The following LRRFIP1 variants were observed in gnomAD, a reference collection of about 807,000 sequenced individuals.
LRRFIP1 encodes the protein LRR binding FLII interacting protein 1, also known as leucine-rich repeat flightless-interacting protein 1.
LRRFIP1 carries 62 observed loss-of-function variants against 104.4 expected under a neutral mutation model. The ratio of observed to expected loss-of-function variants is 0.59; its 90% confidence interval spans 0.48 to 0.73. The LOEUF (loss-of-function observed/expected upper bound fraction) is 0.73. LRRFIP1 is among the 30% of genes least tolerant of loss of function. The probability of loss-of-function intolerance (pLI) is 0.00; values close to 1 mark genes in which losing one functional copy is unlikely to be tolerated. For synonymous variants in LRRFIP1, 300 were observed against 299.0 expected, an observed-to-expected ratio of 1.00 and a Z score of -0.03; for missense variants, 796 against 824.5, an observed-to-expected ratio of 0.97 and a Z score of 0.42.
chr2:237,748,565 G>T (rs529216199), intron 12 of LRRFIP1, among the ~76,000 whole-genome samples, 166 bp downstream of exon 12: 1 of 152,088 alleles, frequency 6.6e-6, no homozygotes, highest in East Asian at 1.9e-4. Flanking sequence ...AGGCCACCGG[G>T]AGTCCTGTCC....
At chr2:237,748,051 G>T (rs771818264) in intron 11 of LRRFIP1, among the ~76,000 whole-genome samples, 6 of 152,188 alleles carry the variant, frequency 3.9e-5, no homozygotes, top group Non-Finnish European at 8.8e-5. Context: ...GCTCTCTCCA[G>T]GGTCCGTTCC....
At chr2:237,689,389 G>C (rs950162535) in intron 1 of LRRFIP1, among the ~76,000 whole-genome samples, 1 of 152,214 alleles carries the variant, frequency 6.6e-6, no homozygotes, top group Non-Finnish European at 1.5e-5. Context: ...ACCCAAGTCA[G>C]AATGTAGCAT....
intron 1 of LRRFIP1, among the ~76,000 whole-genome samples, chr2:237,694,135 CT>C (rs1306970564): frequency 1.3e-5 from 2 of 152,200 alleles, no homozygotes; most frequent in African/African-American, 4.8e-5. Context: ...TAGTTTTGGT[CT>C]TCACTGATCC....
At chr2:237,652,762 G>A (rs988080320) in intron 1 of LRRFIP1, among the ~76,000 whole-genome samples, 1 of 152,192 alleles carries the variant, frequency 6.6e-6, no homozygotes, top group African/African-American at 2.4e-5. Flanking sequence ...AAGGAGAGAG[G>A]ACTGCCTGAT....
At position 237,774,425 on chromosome 2, in the gene LRRFIP1, A is replaced by G; in HGVS notation, c.1775A>G (p.Asp592Gly). The G allele has an allele frequency of 3.1e-6, 5 of 1,613,806 alleles. No homozygotes were observed. The highest frequency in any genetic ancestry group is 4.2e-6 in the Non-Finnish European group (5 of 1,179,772). ...SAAENAEKIE[D>G]ELKAEKRKLQ... ...GCTGAAAATGCAGAAAAAATAGAAG[A>G]TGAACTTAAGGCAGAAAAACGGAAA... Residue 592 changes from aspartate (D) to glycine (G), a missense_variant, in exon 23 of 24, where the codon GAT (aspartate) becomes GGT (glycine). Transcript: ENST00000308482.
intron 16 of LRRFIP1, among the ~76,000 whole-genome samples, chr2:237,757,197 A>C (rs1487157232): frequency 6.6e-6 from 1 of 152,220 alleles, no homozygotes; most frequent in African/African-American, 2.4e-5. Context: ...TTGGTTTTTA[A>C]TTTTTTGACT....
In LRRFIP1 at chr2:237,779,470, C is replaced by G. The variant is rs371784428; in HGVS notation, c.1861C>G (p.His621Asp). Residue 621 changes from histidine to aspartate, a missense_variant, in exon 24 of 24, where the codon CAC (histidine) becomes GAC (aspartate). Transcript: ENST00000308482. ...AGAAGAGCTCGAGGTGAGCAACGGC[C>G]ACTTAGTGAAGCGTCTGGAAAAAAT... Reference protein sequence around the residue: ...KTEELEVSNGHLVKRLEKMKA... With the variant: ...KTEELEVSNGDLVKRLEKMKA... 10 of 1,613,876 alleles carry G rather than the reference C, an allele frequency of 6.2e-6. No homozygotes were observed. Among genetic ancestry groups the G allele is most frequent in the Non-Finnish European group, 7.6e-6 (9 of 1,179,792 alleles).
intron 3 of LRRFIP1, among the ~76,000 whole-genome samples, chr2:237,716,405 G>A (rs1346470681): frequency 6.6e-6 from 1 of 152,042 alleles, no homozygotes; most frequent in African/African-American, 2.4e-5. Context: ...TTGTACTCAT[G>A]TCCTTTTTGT....
At chr2:237,666,973 A>T (rs1575295380) in intron 1 of LRRFIP1, among the ~76,000 whole-genome samples, 1 of 141,772 alleles carries the variant, frequency 7.1e-6, no homozygotes, top group Non-Finnish European at 1.5e-5. Context: ...TTTCTTGTTA[A>T]ATCCATATCA....
At chr2:237,718,101 G>T (rs376841193) in intron 4 of LRRFIP1, among the ~76,000 whole-genome samples, 21 of 152,168 alleles carry the variant, frequency 1.4e-4, no homozygotes, top group African/African-American at 4.8e-4. Flanking sequence ...TACCACAGCC[G>T]CCCTGATCTC....
At chr2:237,666,807 C>CTTTCTTTT (rs370453458) in intron 1 of LRRFIP1, among the ~76,000 whole-genome samples, 4 of 148,804 alleles carry the variant, frequency 2.7e-5, no homozygotes, top group Non-Finnish European at 3.0e-5. Context: ...CTCTTTCTTT[C>CTTTCTTTT]TCTTTCTTTC....
intron 1 of LRRFIP1, among the ~76,000 whole-genome samples, chr2:237,628,176 C>T (rs1417191706): frequency 6.6e-6 from 1 of 152,176 alleles, no homozygotes; most frequent in African/African-American, 2.4e-5. Context: ...GGCCACATGG[C>T]CCTGCTGAAA....
chr2:237,697,363 A>G (rs2093260089), intron 1 of LRRFIP1, among the ~76,000 whole-genome samples: 1 of 152,354 alleles, frequency 6.6e-6, no homozygotes, highest in South Asian at 2.1e-4. Flanking sequence ...ATAATGGTAG[A>G]AATGAAATAG....
chr2:237,723,760 C>T (rs138049484), intron 7 of LRRFIP1, among the ~76,000 whole-genome samples, 174 bp downstream of exon 7: 35 of 152,360 alleles, frequency 2.3e-4, no homozygotes, highest in African/African-American at 7.7e-4. Flanking sequence ...CTCCTGGGGC[C>T]TCCAGGGTGC....
intron 17 of LRRFIP1, among the ~76,000 whole-genome samples, chr2:237,757,918 T>C (rs2059442348): frequency 6.6e-6 from 1 of 150,784 alleles, no homozygotes; most frequent in African/African-American, 2.4e-5. Context: ...TGGTGGTGCT[T>C]TGAGAAAAAA....
intron 6 of LRRFIP1, among the ~76,000 whole-genome samples, chr2:237,722,648 C>G (rs13419949): frequency 0.018 from 2,666 of 152,272 alleles, 81 homozygotes; most frequent in African/African-American, 0.06. Flanking sequence ...ATGACACTTT[C>G]CCATCAGGTA....
chr2:237,771,295 A>T (rs2060598131), intron 20 of LRRFIP1, among the ~76,000 whole-genome samples: 1 of 136,344 alleles, frequency 7.3e-6, no homozygotes, highest in South Asian at 2.6e-4. Context: ...CATGGATTGA[A>T]ATATTCCAAA....
intron 1 of LRRFIP1, among the ~76,000 whole-genome samples, chr2:237,643,524 T>A (rs915857708): frequency 1.3e-5 from 2 of 152,246 alleles, no homozygotes; most frequent in Admixed American, 6.5e-5. Flanking sequence ...GTGAATGACT[T>A]CGGTCATAAC....
chr2:237,770,255 T>C, intron 20 of LRRFIP1: 1 of 417,482 alleles, frequency 2.4e-6, no homozygotes, highest in East Asian at 4.0e-5. Context: ...TGGTACATTT[T>C]ACTGAATTGC....
Sources: allele counts gnomAD v4.1 joint callset (sites outside exome capture counted in the v4.1 genomes callset), GRCh38; gene constraint gnomAD v4.1.1; transcripts MANE v1.5; gene names NCBI Gene and HGNC (gene_info 2026-07-23, HGNC 2026-07-21).